SCAMP4: variants seen among roughly 807,000 people sequenced by gnomAD.
SCAMP4 encodes secretory carrier-associated membrane protein 4.
A neutral mutation model predicts 32.1 loss-of-function variants in SCAMP4; 19 were observed. That is an observed-to-expected ratio of 0.59 (90% CI 0.41 to 0.87). The LOEUF (loss-of-function observed/expected upper bound fraction) is 0.87. Among genes scored for constraint, SCAMP4 ranks in the 40% least tolerant of loss-of-function variants. SCAMP4 has a pLI of 0.00. For synonymous variants in SCAMP4, 152 were observed against 132.7 expected, an observed-to-expected ratio of 1.15 and a Z score of -1.00; for missense variants, 302 against 309.0, an observed-to-expected ratio of 0.98 and a Z score of 0.17.
intron 1 of SCAMP4, among the ~76,000 whole-genome samples, chr19:1,909,387 C>T (rs8102298): frequency 0.26 from 39,170 of 152,090 alleles, 5,987 homozygotes; most frequent in African/African-American, 0.39. Flanking sequence ...GGGCGGATCC[C>T]GAGAGCTGGG....
intron 2 of SCAMP4, among the ~76,000 whole-genome samples, chr19:1,917,422 A>G (rs1221886734): frequency 1.3e-5 from 2 of 152,338 alleles, no homozygotes; most frequent in Admixed American, 1.3e-4. Flanking sequence ...CCCAGCGTCT[A>G]GAGGCGCCCC....
In SCAMP4 at chr19:1,908,828, G is replaced by A. The variant is rs1971406971; in HGVS notation, c.-42+3389G>A. Among the ~76,000 whole-genome samples, 1 of 152,154 alleles carries A rather than the reference G, an allele frequency of 6.6e-6. No homozygotes were observed. Among genetic ancestry groups the A allele is most frequent in the African/African-American group, 2.4e-5 (1 of 41,426 alleles). Reference sequence around the variant, plus strand: ...TATACTTTTAAGCAATGTGGGCTGGGCACGGTGGCTCACACCTGTAATCCC... The same window carrying A: ...TATACTTTTAAGCAATGTGGGCTGGACACGGTGGCTCACACCTGTAATCCC... On this transcript the variant is annotated intron_variant, in intron 1 of 6. Coordinates refer to ENST00000316097, the MANE Select transcript of SCAMP4 (RefSeq NM_079834.4). The surrounding 1 kb of genome is among the most constrained non-coding windows in gnomAD (Gnocchi z 4.2).
chr19:1,925,084 GTGTTTTGTTT>G lies in SCAMP4; in HGVS notation c.*812_*821del, dbSNP rs1278164727. On this transcript the variant is annotated 3_prime_UTR_variant, in exon 7 of 7. Transcript: ENST00000316097. ...CCGGAGCCCTGCAGGAGAGGCCTTT[GTGTTTTGTTT>G]TGTTTTGTTTTTTCTCTTTTGAGAC... 1 of 143,962 alleles carries G rather than the reference GTGTTTTGTTT, an allele frequency of 6.9e-6. No individual in the cohort carries two copies. Among genetic ancestry groups the G allele is most frequent in the Non-Finnish European group, 1.5e-5 (1 of 65,910 alleles). The allele number at this position is 143,962 out of a possible 1,614,324, so 8.9% of individuals were successfully genotyped here. A position where few individuals can be genotyped will look rare whatever the true frequency, so the allele number is the denominator to read the frequency against.
Position 1,922,789 on chromosome 19 carries a change from C to T in SCAMP4, c.396-281C>T, listed in dbSNP as rs148651922. 6.4e-5 allele frequency: 70 copies of T among 1,097,654 alleles called. No individual in the cohort carries two copies. In the East Asian group the frequency reaches 9.6e-4, roughly 15 times the overall value. 68.0% of individuals were successfully genotyped at this position (1,097,654 alleles called of 1,614,324 possible). On this transcript the variant is annotated intron_variant, in intron 5 of 6. Transcript: ENST00000316097. The stretch of plus-strand genomic sequence containing the variant: ...TCCCTGCACGCACAGCCCACTGCTG[C>T]GATGGTGAAGGGATAAGGTTGTGTT...
chr19:1,906,079 G>A (rs1393353322), intron 1 of SCAMP4: 3 of 152,358 alleles, frequency 2.0e-5, no homozygotes, highest in Admixed American at 6.5e-5. Flanking sequence ...AAACAAGGAC[G>A]GCTGGGTGCA....
At chr19:1,915,773 C>G (rs951503832) in intron 2 of SCAMP4, among the ~76,000 whole-genome samples, 1 of 151,754 alleles carries the variant, frequency 6.6e-6, no homozygotes, top group Non-Finnish European at 1.5e-5. Flanking sequence ...GGTGAAACCC[C>G]GTCTCTACTA....
At chr19:1,915,090 A>G in intron 2 of SCAMP4, 64 bp downstream of exon 2, 2 of 1,602,560 alleles carry the variant, frequency 1.2e-6, no homozygotes, top group South Asian at 1.1e-5. Flanking sequence ...AGCAGTTCCC[A>G]CAGGAGCCCT....
intron 1 of SCAMP4, chr19:1,914,636 G>A (rs761383625): frequency 2.8e-4 from 109 of 384,830 alleles, no homozygotes; most frequent in African/African-American, 1.5e-3. Context: ...GCCCTGCAGC[G>A]TTCACCTTGT....
chr19:1,919,057 G>A, intron 5 of SCAMP4, 67 bp downstream of exon 5: 1 of 1,556,872 alleles, frequency 6.4e-7, no homozygotes, highest in Non-Finnish European at 8.7e-7. Context: ...GGGCCTGCTG[G>A]GAAGCCAGGC....
chr19:1,923,636 T>TTTTTTA (rs386388357), intron 6 of SCAMP4, among the ~76,000 whole-genome samples: 2 of 149,146 alleles, frequency 1.3e-5, no homozygotes, highest in Admixed American at 1.3e-4. Flanking sequence ...TTTTTTTTTT[T>TTTTTTA]TAGACAGAGT....
At chr19:1,905,511 TGGG>T (rs1169911849) in intron 1 of SCAMP4, 72 bp downstream of exon 1, 3 of 376,516 alleles carry the variant, frequency 8.0e-6, no homozygotes, top group African/African-American at 4.5e-5. Context: ...GGGGCTGACA[TGGG>T]GGGTCTCGGC....
rs1312586259 is a variant in SCAMP4 at position 1,923,901 on chromosome 19, A to G, written c.514-207A>G. ...CGGCCTCCCGAAGTGCTGGGATGAC[A>G]GGCGTGAGCCACCGTGCCCGGCCTA... On this transcript the variant is annotated intron_variant, in intron 6 of 6. Transcript: ENST00000316097. Among the ~76,000 whole-genome samples the G allele has an allele frequency of 4.6e-4, 53 of 115,782 alleles. 1 individual carries two copies. Among genetic ancestry groups the G allele is most frequent in the Non-Finnish European group, 4.4e-5 (2 of 45,596 alleles). The allele number at this position is 115,782 out of a possible 152,430, so 76.0% of individuals were successfully genotyped here.
Position 1,919,001 on chromosome 19 carries a change from C to T in SCAMP4, c.395+11C>T. The stretch of plus-strand genomic sequence containing the variant: ...CGGCTGGGGCGCGTGGTAAGCCTCT[C>T]TCTGATGGGCGTGGTGGCTGTGATG... On this transcript the variant is annotated intron_variant, in intron 5 of 6. Transcript: ENST00000316097. The T allele has an allele frequency of 1.3e-6, 2 of 1,595,770 alleles. No homozygotes were observed. The highest frequency in any genetic ancestry group is 1.7e-6 in the Non-Finnish European group (2 of 1,171,162).
At chr19:1,917,066 G>A (rs1371906119) in intron 2 of SCAMP4, among the ~76,000 whole-genome samples, 1 of 152,250 alleles carries the variant, frequency 6.6e-6, no homozygotes, top group Non-Finnish European at 1.5e-5. Context: ...TTGGGAGGCA[G>A]AGGTGGGCGG....
intron 5 of SCAMP4, among the ~76,000 whole-genome samples, chr19:1,919,757 C>T (rs1394528505): frequency 1.3e-5 from 2 of 151,772 alleles, no homozygotes; most frequent in Non-Finnish European, 2.9e-5. Flanking sequence ...TCTCAGCCTC[C>T]CAAAGTGCTA....
At position 1,917,593 on chromosome 19, in the gene SCAMP4, T is replaced by TC; in HGVS notation, c.8-100dup. The TC allele has an allele frequency of 2.2e-6, 3 of 1,365,964 alleles. No homozygotes were observed. The Admixed American group carries it at 5.8e-5, about 26-fold the overall frequency. The allele number at this position is 1,365,964 out of a possible 1,614,324, so 84.6% of individuals were successfully genotyped here. ...CCTCAATCCCAACTGCAGAGTCCCT[T>TC]CTGCCATGAGAGGCAACCCAGCCTT... On this transcript the variant is annotated intron_variant, in intron 2 of 6. Transcript: ENST00000316097.
chr19:1,921,928 G>A (rs994322335), intron 5 of SCAMP4: 1 of 985,526 alleles, frequency 1.0e-6, no homozygotes, highest in Non-Finnish European at 1.2e-6. Flanking sequence ...GACGCGGCGG[G>A]GGGTACCGCG....
chr19:1,924,023 G>C (rs2014014823), intron 6 of SCAMP4, 85 bp from the exon 7 acceptor site: 2 of 1,061,890 alleles, frequency 1.9e-6, no homozygotes, highest in Non-Finnish European at 2.7e-6. Flanking sequence ...GCCTCCCGAA[G>C]TGCTGGGATG....
At chr19:1,905,719 T>C in intron 1 of SCAMP4, 1 of 152,736 alleles carries the variant, frequency 6.5e-6, no homozygotes, top group Non-Finnish European at 1.5e-5. Context: ...TGTGCGCCCT[T>C]ATGGTCGGTG....
Sources: allele counts gnomAD v4.1 joint callset (sites outside exome capture counted in the v4.1 genomes callset), GRCh38; gene constraint gnomAD v4.1.1; non-coding constraint Gnocchi (gnomAD v3.1); transcripts MANE v1.5; gene names NCBI Gene and HGNC (gene_info 2026-07-23, HGNC 2026-07-21).